Variants in IL1RAPL2 observed in about 807,000 individuals in gnomAD.
IL1RAPL2 encodes interleukin 1 receptor accessory protein like 2.
Under a neutral mutation model 44.1 loss-of-function variants are expected in IL1RAPL2, and 3 were observed. The ratio of observed to expected loss-of-function variants is 0.07; its 90% CI spans 0.03 to 0.18. IL1RAPL2 has a LOEUF of 0.18. Among genes scored for constraint, IL1RAPL2 ranks in the 10% least tolerant of loss-of-function variants. IL1RAPL2 has a pLI of 1.00. For missense variants in IL1RAPL2, 391 were observed against 496.4 expected, an observed-to-expected ratio of 0.79 and a Z score of 2.02; for synonymous variants, 181 against 178.8, an observed-to-expected ratio of 1.01 and a Z score of -0.10.
intron 6 of IL1RAPL2, among the ~76,000 whole-genome samples, chrX:105,685,413 G>C (rs996113074): frequency 8.9e-6 from 1 of 111,872 alleles, no homozygotes; most frequent in African/African-American, 3.2e-5. Context: ...GATGCATGCG[G>C]AAGTTTCAAT....
rs141721830 is a variant in IL1RAPL2, at chrX:104,920,727, C to T, written c.82+261732C>T. Among the ~76,000 whole-genome samples the T allele has an allele frequency of 1.0e-2, 1,088 of 108,927 alleles. 15 individuals carry two copies. The highest frequency in any genetic ancestry group is 0.033 in the African/African-American group (998 of 29,800). 94.6% of individuals were successfully genotyped at this position (108,927 alleles called of 115,157 possible). A position where few individuals can be genotyped will look rare whatever the true frequency, so the allele number is the denominator to read the frequency against. Reference sequence around the variant, plus strand: ...CCCAGTCTTAGGTATTCCTTTATAGCAATGTAAGAATGGCCTAACATGCTA... The same window carrying T: ...CCCAGTCTTAGGTATTCCTTTATAGTAATGTAAGAATGGCCTAACATGCTA... On this transcript the variant is annotated intron_variant, in intron 2 of 10. Transcript: ENST00000372582.
At chrX:105,710,455 G>A (rs1211061476) in intron 6 of IL1RAPL2, among the ~76,000 whole-genome samples, 1 of 103,658 alleles carries the variant, frequency 9.6e-6, no homozygotes. Flanking sequence ...TATCTTACTG[G>A]AAGAAATAAA....
intron 5 of IL1RAPL2, among the ~76,000 whole-genome samples, chrX:105,328,478 T>C (rs2034958857): frequency 9.0e-6 from 1 of 111,697 alleles, no homozygotes; most frequent in South Asian, 3.7e-4. Flanking sequence ...CAACTTGAAA[T>C]TAAGAAGAGG....
intron 2 of IL1RAPL2, among the ~76,000 whole-genome samples, chrX:104,907,312 C>T (rs754235119): frequency 9.0e-6 from 1 of 111,683 alleles, no homozygotes; most frequent in East Asian, 2.8e-4. Flanking sequence ...TTCAGTTCTG[C>T]TTTGATTTCA....
chrX:104,805,979 T>A (rs187851678), intron 2 of IL1RAPL2, among the ~76,000 whole-genome samples: 42 of 111,876 alleles, frequency 3.8e-4, no homozygotes, highest in African/African-American at 1.3e-3. Context: ...CATATGAGAA[T>A]CACCAGGGAG....
chrX:104,720,346 A>G (rs1931653091), intron 2 of IL1RAPL2, among the ~76,000 whole-genome samples: 1 of 111,808 alleles, frequency 8.9e-6, no homozygotes, highest in Non-Finnish European at 1.9e-5. Context: ...TTCAGTCTGG[A>G]CAAATAAATA....
chrX:104,869,140 G>A (rs753477688), intron 2 of IL1RAPL2, among the ~76,000 whole-genome samples: 2 of 111,267 alleles, frequency 1.8e-5, no homozygotes, highest in Non-Finnish European at 3.8e-5. Flanking sequence ...AAAGTATCTT[G>A]TGTATCCTTA....
chrX:105,597,511 G>A (rs958072825), intron 6 of IL1RAPL2, among the ~76,000 whole-genome samples: 2 of 111,147 alleles, frequency 1.8e-5, no homozygotes, highest in African/African-American at 6.6e-5. Flanking sequence ...AGGTAAAGGG[G>A]GAGTAGGCAT....
At chrX:104,880,339 A>G (rs2147657869) in intron 2 of IL1RAPL2, among the ~76,000 whole-genome samples, 1 of 111,690 alleles carries the variant, frequency 9.0e-6, no homozygotes, top group African/African-American at 3.2e-5. Flanking sequence ...AGATGTTAGT[A>G]GAGGATAGTA....
intron 6 of IL1RAPL2, among the ~76,000 whole-genome samples, chrX:105,700,379 T>A (rs2038110201): frequency 8.9e-6 from 1 of 112,185 alleles, no homozygotes; most frequent in South Asian, 3.7e-4. Flanking sequence ...AGCTTAGACA[T>A]CATCTGATTT....
chrX:105,028,548 A>G (rs2031418256), intron 2 of IL1RAPL2, among the ~76,000 whole-genome samples: 1 of 111,329 alleles, frequency 9.0e-6, no homozygotes, highest in East Asian at 2.8e-4. Flanking sequence ...TTGTATTAGG[A>G]ACATTCAACC....
chrX:104,890,991 G>A (rs1042055611), intron 2 of IL1RAPL2, among the ~76,000 whole-genome samples: 1 of 111,818 alleles, frequency 8.9e-6, no homozygotes, highest in South Asian at 3.7e-4. Context: ...TGTAAGGAAG[G>A]GATCCAGTTT....
intron 6 of IL1RAPL2, among the ~76,000 whole-genome samples, chrX:105,513,591 CT>C (rs2036488571): frequency 9.0e-6 from 1 of 111,649 alleles, no homozygotes; most frequent in Admixed American, 9.5e-5. Flanking sequence ...CTGTTCATAT[CT>C]TTTGCCCAGT....
At chrX:105,543,463 G>C (rs1042594417) in intron 6 of IL1RAPL2, among the ~76,000 whole-genome samples, 2 of 111,987 alleles carry the variant, frequency 1.8e-5, no homozygotes, top group African/African-American at 6.5e-5. Context: ...GAACATTGGA[G>C]TGGTGAAATG....
At chrX:105,696,429 G>T (rs2038076627) in intron 6 of IL1RAPL2, among the ~76,000 whole-genome samples, 1 of 111,261 alleles carries the variant, frequency 9.0e-6, no homozygotes, top group Non-Finnish European at 1.9e-5. Context: ...CTGGACTATG[G>T]TAAATAGCCA....
At chrX:105,580,877 G>C (rs1413802977) in intron 6 of IL1RAPL2, among the ~76,000 whole-genome samples, 1 of 112,170 alleles carries the variant, frequency 8.9e-6, no homozygotes, top group African/African-American at 3.2e-5. Context: ...GAGTAGGAGG[G>C]AGAACAGTAA....
chrX:105,230,281 C>G (rs1157027106), intron 3 of IL1RAPL2, among the ~76,000 whole-genome samples: 1 of 110,588 alleles, frequency 9.0e-6, no homozygotes, highest in Non-Finnish European at 1.9e-5. Flanking sequence ...CTACATGGCT[C>G]TCTGGTATTA....
intron 6 of IL1RAPL2, among the ~76,000 whole-genome samples, chrX:105,660,731 G>A (rs1450185690): frequency 3.6e-5 from 4 of 110,691 alleles, no homozygotes; most frequent in Non-Finnish European, 7.6e-5. Flanking sequence ...CAGGGTATAA[G>A]ATATCATTTG....
intron 2 of IL1RAPL2, among the ~76,000 whole-genome samples, chrX:105,166,310 G>A (rs1247269740): frequency 1.8e-5 from 2 of 111,238 alleles, no homozygotes; most frequent in Admixed American, 1.9e-4. Context: ...ATAGGTGCTC[G>A]ATAAATGTTG....
Sources: allele counts gnomAD v4.1 joint callset (sites outside exome capture counted in the v4.1 genomes callset), GRCh38; gene constraint gnomAD v4.1.1; transcripts MANE v1.5; gene names NCBI Gene and HGNC (gene_info 2026-07-23, HGNC 2026-07-21).